The following CCSER1 variants were observed in gnomAD, a reference collection of about 807,000 sequenced individuals.
CCSER1 encodes serine-rich coiled-coil domain-containing protein 1.
Under a neutral mutation model 82.0 loss-of-function variants are expected in CCSER1, and 41 were observed. The observed-to-expected ratio is 0.50, with a 90% CI of 0.39 to 0.65. The LOEUF (loss-of-function observed/expected upper bound fraction) is 0.65. Among genes scored for constraint, CCSER1 ranks in the 30% least tolerant of loss-of-function variants. CCSER1 has a pLI of 0.00. For missense variants in CCSER1, 1,119 were observed against 1,064.2 expected, an observed-to-expected ratio of 1.05 and a Z score of -0.72; for synonymous variants, 414 against 383.9, an observed-to-expected ratio of 1.08 and a Z score of -0.92.
rs192610662 is a variant in CCSER1, at chr4:90,222,436, A to G, written c.-41-85808A>G. Among the ~76,000 whole-genome samples, 255 of 152,318 alleles carry G rather than the reference A, an allele frequency of 1.7e-3. 2 individuals are homozygous for G. The highest frequency in any genetic ancestry group is 5.6e-3 in the African/African-American group (231 of 41,582). ...AGTTCACAAGATGAAATGTTTTAAT[A>G]GCATTGCTTCTCTTTTAAAGGCAAG... On this transcript the variant is annotated intron_variant, in intron 1 of 10. Coordinates refer to ENST00000509176, the MANE Select transcript of CCSER1 (RefSeq NM_001145065.2).
intron 10 of CCSER1, among the ~76,000 whole-genome samples, chr4:91,358,724 C>T (rs1011662696): frequency 1.3e-5 from 2 of 152,120 alleles, no homozygotes; most frequent in Admixed American, 6.5e-5. Flanking sequence ...GTGCCAGTTC[C>T]TTCCTGGTGT....
At chr4:91,029,234 A>T (rs1740756068) in intron 9 of CCSER1, among the ~76,000 whole-genome samples, 1 of 151,730 alleles carries the variant, frequency 6.6e-6, no homozygotes, top group Non-Finnish European at 1.5e-5. Flanking sequence ...AATCTGTTTG[A>T]TACATAATAG....
At chr4:90,620,080 A>C (rs1180037047) in intron 5 of CCSER1, among the ~76,000 whole-genome samples, 1 of 152,176 alleles carries the variant, frequency 6.6e-6, no homozygotes, top group Admixed American at 6.5e-5. Flanking sequence ...AGTTAAAAAT[A>C]AGCACCAAAA....
intron 8 of CCSER1, among the ~76,000 whole-genome samples, chr4:90,851,748 C>G (rs1181364334): frequency 6.6e-6 from 1 of 152,088 alleles, no homozygotes; most frequent in Non-Finnish European, 1.5e-5. Flanking sequence ...TGATCTTTAA[C>G]TGTGGACACT....
At chr4:91,443,889 T>C (rs1755381771) in intron 10 of CCSER1, among the ~76,000 whole-genome samples, 1 of 151,742 alleles carries the variant, frequency 6.6e-6, no homozygotes, top group African/African-American at 2.4e-5. Context: ...AAGAAGTGTA[T>C]AGTGGAATTC....
intron 9 of CCSER1, among the ~76,000 whole-genome samples, chr4:91,025,147 G>A (rs956482764): frequency 1.3e-5 from 2 of 152,014 alleles, no homozygotes; most frequent in Non-Finnish European, 2.9e-5. Context: ...AAGATTTATC[G>A]AATAGACTCA....
rs529778797 is a variant in CCSER1, at chr4:90,867,516, A to G, written c.2094+51671A>G. On this transcript the variant is annotated intron_variant, in intron 8 of 10. Transcript: ENST00000509176. ...AAATGAGTTATCCATCACTGCAAGT[A>G]TTTATCATTTCTTTGTGTTACAGAC... Among the ~76,000 whole-genome samples, 10 of 152,132 alleles carry G rather than the reference A, an allele frequency of 6.6e-5. No homozygotes were observed. In the South Asian group the frequency reaches 2.1e-3, roughly 32 times the overall value.
chr4:90,898,857 A>G (rs1011099755), intron 8 of CCSER1, among the ~76,000 whole-genome samples: 1 of 149,150 alleles, frequency 6.7e-6, no homozygotes, highest in Non-Finnish European at 1.5e-5. Context: ...AGCCTTTTGT[A>G]TGGTTTGAAG....
intron 9 of CCSER1, among the ~76,000 whole-genome samples, chr4:91,077,965 C>G (rs1024182447): frequency 6.6e-6 from 1 of 152,346 alleles, no homozygotes; most frequent in African/African-American, 2.4e-5. Flanking sequence ...GGGTGGAGCC[C>G]ACCACAGCTC....
At chr4:91,596,127 T>C (rs1764567275) in intron 10 of CCSER1, among the ~76,000 whole-genome samples, 1 of 152,058 alleles carries the variant, frequency 6.6e-6, no homozygotes, top group Non-Finnish European at 1.5e-5. Flanking sequence ...CCAGATACTG[T>C]ACCAGAGAAG....
chr4:90,604,949 A>C (rs4552431), intron 5 of CCSER1, among the ~76,000 whole-genome samples: 2,300 of 152,280 alleles, frequency 0.015, 52 homozygotes, highest in African/African-American at 0.053. Context: ...ATGGGGTCAG[A>C]TAAGGGAATA....
At chr4:90,291,527 A>G (rs1039063964) in intron 1 of CCSER1, among the ~76,000 whole-genome samples, 11 of 152,042 alleles carry the variant, frequency 7.2e-5, no homozygotes, top group African/African-American at 2.4e-4. Context: ...AATTAGCAAT[A>G]TATTAGTATA....
intron 7 of CCSER1, among the ~76,000 whole-genome samples, chr4:90,779,093 A>G (rs1753383405): frequency 1.3e-5 from 2 of 152,320 alleles, no homozygotes; most frequent in South Asian, 4.1e-4. Flanking sequence ...TATCCCTGTT[A>G]AAAACCCTTT....
intron 6 of CCSER1, among the ~76,000 whole-genome samples, chr4:90,709,153 A>G (rs1484472193): frequency 6.6e-6 from 1 of 152,200 alleles, no homozygotes; most frequent in East Asian, 1.9e-4. Context: ...TGTAAACTTA[A>G]GAAAAATATT....
intron 10 of CCSER1, among the ~76,000 whole-genome samples, chr4:91,130,705 A>AT (rs1265856175): frequency 3.3e-5 from 5 of 151,660 alleles, no homozygotes; most frequent in Admixed American, 6.6e-5. Flanking sequence ...TAAGTATCTG[A>AT]TTTTTTTTAA....
chr4:90,805,000 A>T (rs1373920357), intron 7 of CCSER1, among the ~76,000 whole-genome samples: 1 of 152,226 alleles, frequency 6.6e-6, no homozygotes, highest in Non-Finnish European at 1.5e-5. Context: ...CAAAAATTAA[A>T]TCACAAAATA....
chr4:90,461,103 T>C (rs1257475333), intron 4 of CCSER1, among the ~76,000 whole-genome samples: 1 of 93,008 alleles, frequency 1.1e-5, no homozygotes, highest in Admixed American at 1.3e-4. Context: ...TCTCGCTCTG[T>C]CGCCCAGGCT....
intron 10 of CCSER1, among the ~76,000 whole-genome samples, chr4:91,556,460 A>C (rs1449169768): frequency 6.6e-6 from 1 of 151,022 alleles, no homozygotes; most frequent in African/African-American, 2.4e-5. Context: ...TGGGTGCAGC[A>C]CACCCACATG....
intron 10 of CCSER1, among the ~76,000 whole-genome samples, chr4:91,186,170 A>G (rs1734515090): frequency 6.6e-6 from 1 of 152,146 alleles, no homozygotes; most frequent in Non-Finnish European, 1.5e-5. Flanking sequence ...AAAGATCTGG[A>G]GGGTCTTTTT....
Sources: allele counts gnomAD v4.1 joint callset (sites outside exome capture counted in the v4.1 genomes callset), GRCh38; gene constraint gnomAD v4.1.1; transcripts MANE v1.5; gene names NCBI Gene and HGNC (gene_info 2026-07-23, HGNC 2026-07-21).